AFF2: variants seen among roughly 807,000 people sequenced by gnomAD.
The protein encoded by AFF2 is AF4/FMR2 family member 2.
Under a neutral mutation model 76.9 loss-of-function variants are expected in AFF2, and 14 were observed. The observed-to-expected ratio is 0.18, with a 90% CI of 0.12 to 0.28. The LOEUF is 0.28. Ranked by LOEUF, AFF2 falls within the 10% of genes least tolerant of loss-of-function variation. AFF2 has a pLI of 1.00. For synonymous variants in AFF2, 398 were observed against 366.7 expected (o/e 1.09, Z -0.98); for missense variants, 868 against 1,001.1 (o/e 0.87, Z 1.79).
At chrX:148,633,083 A>G (rs1886696555) in intron 1 of AFF2, among the ~76,000 whole-genome samples, 1 of 112,118 alleles carries the variant, frequency 8.9e-6, no homozygotes, top group African/African-American at 3.2e-5. Flanking sequence ...ATAGTATAGA[A>G]TGCAACTGGA....
chrX:148,893,467 G>A (rs2124172365), intron 8 of AFF2, among the ~76,000 whole-genome samples: 1 of 112,140 alleles, frequency 8.9e-6, no homozygotes, highest in African/African-American at 3.2e-5. Context: ...ATGCATAGAA[G>A]TGTAATGTTT....
intron 13 of AFF2, among the ~76,000 whole-genome samples, chrX:148,963,984 T>C (rs1557288390): frequency 8.9e-6 from 1 of 111,843 alleles, no homozygotes; most frequent in Non-Finnish European, 1.9e-5. Context: ...ATCTAGGTGG[T>C]AATAATTATT....
chrX:148,824,085 T>TCTCTCTCTCTCTCTCTC, intron 4 of AFF2, among the ~76,000 whole-genome samples: 1 of 47,437 alleles, frequency 2.1e-5, no homozygotes, highest in African/African-American at 1.2e-4. Context: ...CTCTCTCTCT[T>TCTCTCTCTCTCTCTCTC]CCTCTCTCAC....
intron 9 of AFF2, among the ~76,000 whole-genome samples, chrX:148,947,290 A>G (rs781911563): frequency 1.8e-5 from 2 of 112,145 alleles, no homozygotes; most frequent in Non-Finnish European, 3.8e-5. Flanking sequence ...GAGAATTAGC[A>G]GAAAATATAT....
At chrX:148,547,890 T>C (rs1557238366) in intron 1 of AFF2, among the ~76,000 whole-genome samples, 1 of 111,829 alleles carries the variant, frequency 8.9e-6, no homozygotes, top group African/African-American at 3.3e-5. Flanking sequence ...TTTCTATTAG[T>C]TCTACCTGTC....
At chrX:148,839,937 ATG>A (rs2070578374) in intron 5 of AFF2, among the ~76,000 whole-genome samples, 1 of 59,506 alleles carries the variant, frequency 1.7e-5, no homozygotes, top group South Asian at 8.6e-4. Context: ...GTGTGTGTGT[ATG>A]TGTATACACT....
chrX:148,940,655 A>T (rs7049845), intron 9 of AFF2, among the ~76,000 whole-genome samples: 1,308 of 111,061 alleles, frequency 0.012, 24 homozygotes, highest in African/African-American at 0.041. Context: ...CTCTGTGTTC[A>T]TTTGTAACTC....
At chrX:148,737,116 A>T (rs2055294138) in intron 3 of AFF2, among the ~76,000 whole-genome samples, 1 of 111,256 alleles carries the variant, frequency 9.0e-6, no homozygotes, top group Non-Finnish European at 1.9e-5. Context: ...TTGGTTCCAT[A>T]TGAATTTTAG....
intron 3 of AFF2, among the ~76,000 whole-genome samples, chrX:148,794,899 A>G (rs2069947682): frequency 8.9e-6 from 1 of 111,859 alleles, no homozygotes; most frequent in African/African-American, 3.3e-5. Flanking sequence ...TGGATTGTTT[A>G]GCCAAAAACC....
chrX:148,560,783 A>G (rs782205133), intron 1 of AFF2, among the ~76,000 whole-genome samples: 7 of 112,098 alleles, frequency 6.2e-5, no homozygotes, highest in Non-Finnish European at 1.3e-4. Flanking sequence ...AGACATTTCG[A>G]TTTTTAACAG....
intron 1 of AFF2, among the ~76,000 whole-genome samples, chrX:148,551,482 G>GAAAAAAAAAAAAA (rs781883999): frequency 7.9e-5 from 3 of 37,999 alleles, no homozygotes; most frequent in African/African-American, 2.8e-4. Flanking sequence ...GCTGGGAAGT[G>GAAAAAAAAAAAAA]AAAAAAAAAA....
intron 3 of AFF2, among the ~76,000 whole-genome samples, chrX:148,702,892 A>T (rs1396364756): frequency 1.8e-5 from 2 of 112,229 alleles, no homozygotes; most frequent in African/African-American, 3.2e-5. Context: ...TTTGCTCGAG[A>T]TACGATTTCG....
At chrX:148,569,990 C>T (rs1290021900) in intron 1 of AFF2, among the ~76,000 whole-genome samples, 1 of 111,485 alleles carries the variant, frequency 9.0e-6, no homozygotes, top group Non-Finnish European at 1.9e-5. Context: ...GATATATACT[C>T]ATATCCAATA....
intron 1 of AFF2, among the ~76,000 whole-genome samples, chrX:148,506,982 A>T (rs188607599): frequency 8.9e-6 from 1 of 112,183 alleles, no homozygotes; most frequent in East Asian, 2.8e-4. Flanking sequence ...ATATTTAAAT[A>T]TCCACGTTGC....
intron 3 of AFF2, among the ~76,000 whole-genome samples, chrX:148,720,744 A>G (rs2055081804): frequency 8.9e-6 from 1 of 112,059 alleles, no homozygotes; most frequent in Non-Finnish European, 1.9e-5. Context: ...AGAACATTTT[A>G]TTTACATTGT....
intron 7 of AFF2, among the ~76,000 whole-genome samples, chrX:148,863,921 A>G (rs2070877497): frequency 9.0e-6 from 1 of 111,721 alleles, no homozygotes; most frequent in African/African-American, 3.3e-5. Flanking sequence ...CTGCTGACAA[A>G]TCCACCTCAG....
intron 1 of AFF2, among the ~76,000 whole-genome samples, chrX:148,509,121 A>T (rs2052455210): frequency 9.0e-6 from 1 of 111,458 alleles, no homozygotes; most frequent in Admixed American, 9.5e-5. Flanking sequence ...GTAGAAGATG[A>T]CCTCTGGCCT....
intron 3 of AFF2, among the ~76,000 whole-genome samples, chrX:148,784,083 C>A (rs1603300174): frequency 8.9e-6 from 1 of 112,134 alleles, no homozygotes; most frequent in African/African-American, 3.2e-5. Flanking sequence ...AATTTCCTCT[C>A]CAGTGGCTGA....
intron 3 of AFF2, among the ~76,000 whole-genome samples, chrX:148,740,772 T>C (rs2055340959): frequency 8.9e-6 from 1 of 112,023 alleles, no homozygotes; most frequent in South Asian, 3.7e-4. Context: ...CTCATTTGGG[T>C]AGGCTCTGTC....
Sources: gnomAD v4.1 joint callset for allele counts (sites outside exome capture counted in the v4.1 genomes callset) on GRCh38, gnomAD v4.1.1 for gene constraint, MANE v1.5 for transcripts, NCBI Gene and HGNC (gene_info 2026-07-23, HGNC 2026-07-21) for gene names.